The following EPHB2 variants were observed in gnomAD, a reference collection of about 807,000 sequenced individuals.
The protein encoded by EPHB2 is ephrin type-B receptor 2.
In EPHB2, 18 loss-of-function variants were observed where a neutral mutation model predicts 96.4. The observed-to-expected ratio is 0.19, with a 90% CI of 0.13 to 0.28. The LOEUF (loss-of-function observed/expected upper bound fraction) is 0.28. Among genes scored for constraint, EPHB2 ranks in the 10% least tolerant of loss-of-function variants. The pLI, the probability that EPHB2 is intolerant of heterozygous loss-of-function variation, is 1.00. For missense variants in EPHB2, 989 were observed against 1,355.4 expected, an observed-to-expected ratio of 0.73 and a Z score of 4.25; for synonymous variants, 506 against 534.1, an observed-to-expected ratio of 0.95 and a Z score of 0.72.
intron 3 of EPHB2, among the ~76,000 whole-genome samples, chr1:22,809,614 T>C (rs1324640780): frequency 1.3e-5 from 2 of 152,172 alleles, no homozygotes; most frequent in African/African-American, 2.4e-5. Context: ...GGAAACTGAC[T>C]CCCAGCAAGG....
intron 5 of EPHB2, among the ~76,000 whole-genome samples, chr1:22,879,090 G>C (rs920474414): frequency 2.6e-5 from 4 of 152,160 alleles, no homozygotes; most frequent in African/African-American, 9.7e-5. Flanking sequence ...TCTCACCCCA[G>C]AACTGTCCTC....
chr1:22,844,490 A>G (rs1645513385), intron 3 of EPHB2, among the ~76,000 whole-genome samples: 2 of 152,244 alleles, frequency 1.3e-5, no homozygotes, highest in African/African-American at 4.8e-5. Flanking sequence ...TCTTAGGGGT[A>G]GGCAGGAGCC....
chr1:22,819,832 A>G (rs61768196), intron 3 of EPHB2, among the ~76,000 whole-genome samples: 1 of 145,206 alleles, frequency 6.9e-6, no homozygotes, highest in South Asian at 2.2e-4. Context: ...TTTTTTTTTA[A>G]TGGAGCTTTG....
chr1:22,894,720 A>G (rs942953732), intron 7 of EPHB2, among the ~76,000 whole-genome samples: 5 of 151,892 alleles, frequency 3.3e-5, no homozygotes, highest in South Asian at 2.1e-4. Context: ...TTCCAATTCA[A>G]CTCCCACCCT....
intron 11 of EPHB2, 141 bp from the exon 12 acceptor site, chr1:22,907,812 C>G (rs1639965277): frequency 4.9e-6 from 5 of 1,016,550 alleles, no homozygotes; most frequent in Non-Finnish European, 6.1e-6. Context: ...TCTCTGGGGT[C>G]CCAAAGCATC....
chr1:22,849,845 C>T (rs1645598729), intron 3 of EPHB2, among the ~76,000 whole-genome samples: 1 of 152,186 alleles, frequency 6.6e-6, no homozygotes, highest in Non-Finnish European at 1.5e-5. Context: ...CTGCACAGGC[C>T]CAGGCCTGCA....
At chr1:22,833,741 G>A (rs573876086) in intron 3 of EPHB2, among the ~76,000 whole-genome samples, 25 of 152,242 alleles carry the variant, frequency 1.6e-4, no homozygotes, top group African/African-American at 5.3e-4. Flanking sequence ...AGTCAAATAC[G>A]TGTTAGTGTT....
At chr1:22,718,135 C>A (rs912925893) in intron 1 of EPHB2, among the ~76,000 whole-genome samples, 1 of 152,172 alleles carries the variant, frequency 6.6e-6, no homozygotes, top group African/African-American at 2.4e-5. Flanking sequence ...AGCTCTCCCC[C>A]ACCCACTGTG....
intron 3 of EPHB2, chr1:22,835,656 C>T (rs1246398147): frequency 6.6e-6 from 1 of 152,238 alleles, no homozygotes; most frequent in African/African-American, 2.4e-5. Context: ...CGTGCAATGC[C>T]TAGCCCATTG....
At chr1:22,886,498 A>T (rs77525097) in intron 6 of EPHB2, among the ~76,000 whole-genome samples, 2,667 of 152,232 alleles carry the variant, frequency 0.018, 70 homozygotes, top group African/African-American at 0.06. Context: ...AATGCATTCC[A>T]GGGAGACATG....
intron 3 of EPHB2, among the ~76,000 whole-genome samples, chr1:22,813,741 C>T (rs1018369810): frequency 2.6e-5 from 4 of 152,228 alleles, no homozygotes; most frequent in South Asian, 4.1e-4. Flanking sequence ...ATGGGGGCTA[C>T]AATGAGAGAA....
chr1:22,824,226 A>G (rs1645192011), intron 3 of EPHB2, among the ~76,000 whole-genome samples: 1 of 149,170 alleles, frequency 6.7e-6, no homozygotes, highest in Non-Finnish European at 1.5e-5. Flanking sequence ...GATTGGATAG[A>G]TGGATGGAAG....
chr1:22,887,555 G>T (rs1639264929), intron 6 of EPHB2, among the ~76,000 whole-genome samples: 1 of 152,200 alleles, frequency 6.6e-6, no homozygotes, highest in African/African-American at 2.4e-5. Context: ...AGCCTGCCTG[G>T]AGTCCAGAGC....
intron 3 of EPHB2, among the ~76,000 whole-genome samples, chr1:22,829,795 C>T (rs866486552): frequency 7.9e-5 from 12 of 152,018 alleles, no homozygotes; most frequent in South Asian, 4.2e-4. Flanking sequence ...AATTTGGCTC[C>T]GTAGGGATGA....
intron 1 of EPHB2, among the ~76,000 whole-genome samples, chr1:22,734,935 C>T (rs1643794419): frequency 6.6e-6 from 1 of 152,176 alleles, no homozygotes; most frequent in Non-Finnish European, 1.5e-5. Context: ...TTTATTGAGC[C>T]TCTGCTTTGT....
chr1:22,802,061 G>A lies in EPHB2; in HGVS notation c.811+16985G>A, dbSNP rs150132057. On this transcript the variant is annotated intron_variant, in intron 3 of 15. Coordinates refer to ENST00000374630, the MANE Select transcript of EPHB2 (RefSeq NM_017449.5). Reference sequence around the variant, plus strand: ...TTAGCTGCTGGGGGGTGGGGTGCTCGCAGATGGGACCAGAAGTGATGCTGG... The same window carrying A: ...TTAGCTGCTGGGGGGTGGGGTGCTCACAGATGGGACCAGAAGTGATGCTGG... Among the ~76,000 whole-genome samples the A allele has an allele frequency of 8.6e-3, 1,305 of 152,256 alleles. 23 individuals carry two copies. Among genetic ancestry groups the A allele is most frequent in the African/African-American group, 0.029 (1,206 of 41,542 alleles).
In EPHB2 at chr1:22,896,395, T is replaced by C; in HGVS notation, c.1701-19T>C. 1 of 1,614,062 alleles carries C rather than the reference T, an allele frequency of 6.2e-7. No individual in the cohort carries two copies. The highest frequency in any genetic ancestry group is 8.5e-7 in the Non-Finnish European group (1 of 1,179,994). On this transcript the variant is annotated intron_variant, in intron 8 of 15. Transcript: ENST00000374630. ...GGGCGCCTTCAGGTGGCTCCAGCCCTTTGCTCTTGTTCCAGAAGACGGGGG... is the reference window on the plus strand; with the variant it reads ...GGGCGCCTTCAGGTGGCTCCAGCCCCTTGCTCTTGTTCCAGAAGACGGGGG...
Position 22,875,458 on chromosome 1 carries a change from G to A in EPHB2, c.1304-6901G>A, listed in dbSNP as rs1638807805. On this transcript the variant is annotated intron_variant, in intron 5 of 15. Transcript: ENST00000374630. The surrounding 1 kb of genome is among the most constrained non-coding windows in gnomAD (Gnocchi z 4.2). ...CAACTGTGGGTGGGCACAGGGCCTG[G>A]GGGAGAGGGAAACTGCCTTCCGCTG... Among the ~76,000 whole-genome samples, 1 of 152,192 alleles carries A rather than the reference G, an allele frequency of 6.6e-6. No individual in the cohort carries two copies. Among genetic ancestry groups the A allele is most frequent in the Non-Finnish European group, 1.5e-5 (1 of 68,044 alleles).
chr1:22,763,250 T>C (rs1644259628), intron 1 of EPHB2, among the ~76,000 whole-genome samples: 1 of 152,152 alleles, frequency 6.6e-6, no homozygotes, highest in Admixed American at 6.5e-5. Context: ...ATCTATAAAA[T>C]GGGGCTGATA....
Sources: gnomAD v4.1 joint callset for allele counts (sites outside exome capture counted in the v4.1 genomes callset) on GRCh38, gnomAD v4.1.1 for gene constraint, Gnocchi (gnomAD v3.1) non-coding constraint, MANE v1.5 for transcripts, NCBI Gene and HGNC (gene_info 2026-07-23, HGNC 2026-07-21) for gene names.